The following STK32B variants were observed in gnomAD, a reference collection of about 807,000 sequenced individuals.
STK32B encodes serine/threonine kinase 32B.
In STK32B, 43 loss-of-function variants were observed where a neutral mutation model predicts 52.6. The ratio of observed to expected loss-of-function variants is 0.82; its 90% CI spans 0.64 to 1.05. The LOEUF is 1.05. Among genes scored for constraint, STK32B ranks in the 50% least tolerant of loss-of-function variants. The probability of loss-of-function intolerance (pLI) is 0.00; values close to 1 mark genes in which losing one functional copy is unlikely to be tolerated. For synonymous variants in STK32B, 238 were observed against 204.3 expected, an observed-to-expected ratio of 1.17 and a Z score of -1.41; for missense variants, 621 against 534.6, an observed-to-expected ratio of 1.16 and a Z score of -1.59.
intron 1 of STK32B, among the ~76,000 whole-genome samples, chr4:5,100,863 CTCCTTCCT>C (rs1030732090): frequency 1.4e-5 from 2 of 141,206 alleles, no homozygotes; most frequent in South Asian, 2.2e-4. Flanking sequence ...TTTCTTTCCT[CTCCTTCCT>C]TCCTTCCTTC....
At chr4:5,374,777 GGC>G (rs111314658) in intron 4 of STK32B, among the ~76,000 whole-genome samples, 3,214 of 146,696 alleles carry the variant, frequency 0.022, 158 homozygotes, top group African/African-American at 0.076. Flanking sequence ...TATTGACGGG[GGC>G]GGGGGGGGAA....
In STK32B at chr4:5,470,852, G is replaced by A. The variant is rs963079309; in HGVS notation, c.1106+2782G>A. On this transcript the variant is annotated intron_variant, in intron 11 of 11. Transcript: ENST00000282908. This position sits in a 1 kb window ranked among gnomAD's most constrained non-coding sequence, Gnocchi z 4.6. ...AGGCACTGCTGGCACTTGAGTAGCTGGAAAATTAAATCGAGCACCTTCTTC... is the reference window on the plus strand; with the variant it reads ...AGGCACTGCTGGCACTTGAGTAGCTAGAAAATTAAATCGAGCACCTTCTTC... 6.6e-6 allele frequency among the ~76,000 whole-genome samples: 1 copy of A among 152,236 alleles called. No homozygotes were observed. Among genetic ancestry groups the A allele is most frequent in the Non-Finnish European group, 1.5e-5 (1 of 68,044 alleles).
intron 6 of STK32B, among the ~76,000 whole-genome samples, chr4:5,444,464 G>A (rs1408987138): frequency 2.0e-5 from 3 of 152,166 alleles, no homozygotes; most frequent in Non-Finnish European, 2.9e-5. Context: ...TTTGGCTCGC[G>A]CACTGTGCGC....
intron 3 of STK32B, among the ~76,000 whole-genome samples, chr4:5,317,407 A>G (rs1341076056): frequency 2.4e-5 from 2 of 83,392 alleles, no homozygotes; most frequent in East Asian, 3.0e-4. Context: ...TATATAATGT[A>G]TATGTATTAT....
intron 1 of STK32B, among the ~76,000 whole-genome samples, chr4:5,100,565 TCCTC>T (rs1263801221): frequency 7.0e-6 from 1 of 142,014 alleles, no homozygotes; most frequent in Admixed American, 7.0e-5. Flanking sequence ...CTTCCTTCCT[TCCTC>T]CTCCCTTGCC....
At chr4:5,205,439 C>T (rs1722489685) in intron 3 of STK32B, among the ~76,000 whole-genome samples, 1 of 152,210 alleles carries the variant, frequency 6.6e-6, no homozygotes, top group African/African-American at 2.4e-5. Flanking sequence ...CTCATTCTCT[C>T]CAAAGACAAG....
At chr4:5,309,290 T>C (rs759560973) in intron 3 of STK32B, among the ~76,000 whole-genome samples, 2 of 151,882 alleles carry the variant, frequency 1.3e-5, no homozygotes, top group Non-Finnish European at 2.9e-5. Context: ...TTAGAAGAAG[T>C]AATATTGTGA....
chr4:5,424,781 G>T (rs945725863), intron 6 of STK32B, among the ~76,000 whole-genome samples: 1 of 89,662 alleles, frequency 1.1e-5, no homozygotes, highest in African/African-American at 4.1e-5. Flanking sequence ...CACAAACAGG[G>T]CTGAAATATG....
chr4:5,392,933 T>C (rs10006077), intron 4 of STK32B, among the ~76,000 whole-genome samples: 5,417 of 152,304 alleles, frequency 0.036, 161 homozygotes, highest in East Asian at 0.084. Context: ...TTGGTCCCCA[T>C]GTCCACAGGA....
rs373865202 is a variant in STK32B at position 5,260,123 on chromosome 4, G to A, written c.261-71097G>A. Among the ~76,000 whole-genome samples the A allele has an allele frequency of 2.3e-3, 355 of 152,040 alleles. 1 individual carries two copies. The highest frequency in any genetic ancestry group is 7.7e-3 in the African/African-American group (318 of 41,476). On this transcript the variant is annotated intron_variant, in intron 3 of 11. Coordinates refer to ENST00000282908, the MANE Select transcript of STK32B (RefSeq NM_018401.3). ...CGTGCACGCACACACACACGGAGCC[G>A]TACACACTAAAATTTACAGCTTCAC...
At chr4:5,463,793 A>G (rs1717219294) in intron 9 of STK32B, among the ~76,000 whole-genome samples, 1 of 151,998 alleles carries the variant, frequency 6.6e-6, no homozygotes, top group Non-Finnish European at 1.5e-5. Flanking sequence ...TCTTCCGGGG[A>G]TCCCTTCCTC....
intron 11 of STK32B, among the ~76,000 whole-genome samples, chr4:5,480,665 T>C (rs1359869278): frequency 1.3e-5 from 2 of 152,130 alleles, no homozygotes; most frequent in Admixed American, 1.3e-4. Context: ...ATGTGCCATG[T>C]TGGTGTGCTG....
intron 3 of STK32B, among the ~76,000 whole-genome samples, chr4:5,258,651 A>G (rs142891829): frequency 1.2e-3 from 179 of 152,210 alleles, no homozygotes; most frequent in African/African-American, 4.1e-3. Flanking sequence ...CAGCACATCC[A>G]GGATCCAGTC....
chr4:5,442,036 T>C (rs200238997), intron 6 of STK32B, among the ~76,000 whole-genome samples: 11,614 of 104,798 alleles, frequency 0.11, 641 homozygotes, highest in East Asian at 0.28. Flanking sequence ...ATGTGGTCAA[T>C]TTTGGAATAG....
At chr4:5,151,426 T>C (rs926647802) in intron 2 of STK32B, among the ~76,000 whole-genome samples, 6 of 152,198 alleles carry the variant, frequency 3.9e-5, no homozygotes, top group African/African-American at 1.4e-4. Flanking sequence ...TACCTGACAT[T>C]TATTAAGAGT....
At chr4:5,347,699 G>T (rs549714810) in intron 4 of STK32B, among the ~76,000 whole-genome samples, 1 of 152,152 alleles carries the variant, frequency 6.6e-6, no homozygotes, top group Non-Finnish European at 1.5e-5. Context: ...ACTGGATCAT[G>T]GGGGTGGATT....
At chr4:5,234,102 C>T (rs867065226) in intron 3 of STK32B, among the ~76,000 whole-genome samples, 22 of 152,068 alleles carry the variant, frequency 1.4e-4, no homozygotes, top group Admixed American at 2.6e-4. Context: ...GACTATCATC[C>T]AGGTTCTTGA....
intron 4 of STK32B, among the ~76,000 whole-genome samples, chr4:5,347,905 C>G (rs1733573546): frequency 6.6e-6 from 1 of 152,134 alleles, no homozygotes; most frequent in African/African-American, 2.4e-5. Context: ...TCAATTAAGC[C>G]TCTTTTCTTA....
chr4:5,478,714 T>C (rs540308130), intron 11 of STK32B, among the ~76,000 whole-genome samples: 4 of 152,234 alleles, frequency 2.6e-5, no homozygotes, highest in Admixed American at 2.6e-4. Flanking sequence ...GGCTCTGCAG[T>C]ACCTTGGGGC....
Sources: gnomAD v4.1 joint callset for allele counts (sites outside exome capture counted in the v4.1 genomes callset) on GRCh38, gnomAD v4.1.1 for gene constraint, Gnocchi (gnomAD v3.1) non-coding constraint, MANE v1.5 for transcripts, NCBI Gene and HGNC (gene_info 2026-07-23, HGNC 2026-07-21) for gene names.